The following PDE4B variants were observed in gnomAD, a reference collection of about 807,000 sequenced individuals.
PDE4B encodes 3',5'-cyclic-AMP phosphodiesterase 4B.
A neutral mutation model predicts 82.2 loss-of-function variants in PDE4B; 20 were observed. The observed-to-expected ratio is 0.24, with a 90% CI of 0.17 to 0.35. The LOEUF (loss-of-function observed/expected upper bound fraction) is 0.35, where lower values mean the gene tolerates loss of function less well. Ranked by LOEUF, PDE4B falls within the 10% of genes least tolerant of loss-of-function variation. PDE4B has a pLI of 1.00. For missense variants in PDE4B, 655 were observed against 907.2 expected (o/e 0.72, Z 3.57); for synonymous variants, 320 against 318.9 (o/e 1.00, Z -0.04).
At chr1:66,290,713 T>A (rs1570634218) in intron 7 of PDE4B, among the ~76,000 whole-genome samples, 2 of 152,336 alleles carry the variant, frequency 1.3e-5, no homozygotes, top group East Asian at 1.9e-4. Flanking sequence ...AATAATCAAG[T>A]ACACTATTAT....
intron 3 of PDE4B, among the ~76,000 whole-genome samples, chr1:66,055,552 G>A (rs1299208821): frequency 1.3e-5 from 2 of 152,276 alleles, no homozygotes; most frequent in East Asian, 1.9e-4. Context: ...ACATGAGAAT[G>A]GATGACTGTG....
intron 8 of PDE4B, among the ~76,000 whole-genome samples, chr1:66,353,079 C>A (rs1661960393): frequency 6.6e-6 from 1 of 152,158 alleles, no homozygotes; most frequent in Admixed American, 6.5e-5. Flanking sequence ...AGGTGCCTGT[C>A]TTTTGAGGAT....
chr1:66,327,611 G>T (rs762265053), intron 7 of PDE4B, among the ~76,000 whole-genome samples: 9 of 152,236 alleles, frequency 5.9e-5, no homozygotes, highest in Non-Finnish European at 1.3e-4. Context: ...ATGAGAATAG[G>T]ATATTTTTCT....
chr1:66,278,562 A>G (rs1200294873), intron 7 of PDE4B, among the ~76,000 whole-genome samples: 1 of 152,214 alleles, frequency 6.6e-6, no homozygotes, highest in African/African-American at 2.4e-5. Context: ...CAGTCATCCT[A>G]CTAAGAACAT....
intron 3 of PDE4B, among the ~76,000 whole-genome samples, chr1:65,994,626 C>T (rs1464393284): frequency 6.6e-5 from 10 of 151,942 alleles, no homozygotes; most frequent in Admixed American, 6.6e-4. Context: ...AGTAGTATAA[C>T]TGAATAGGGA....
intron 1 of PDE4B, among the ~76,000 whole-genome samples, chr1:65,837,760 AG>A (rs1357574717): frequency 2.0e-5 from 3 of 152,156 alleles, no homozygotes; most frequent in African/African-American, 7.2e-5. Flanking sequence ...TTTAAGTTCA[AG>A]GGTACATATG....
chr1:66,157,879 A>C (rs1041619742), intron 3 of PDE4B, among the ~76,000 whole-genome samples: 3 of 152,194 alleles, frequency 2.0e-5, no homozygotes, highest in African/African-American at 7.2e-5. Flanking sequence ...AGCCCATGTA[A>C]AAAGTGATCA....
At chr1:66,222,951 T>C (rs1240022357) in intron 3 of PDE4B, among the ~76,000 whole-genome samples, 5 of 152,196 alleles carry the variant, frequency 3.3e-5, no homozygotes. Flanking sequence ...TAAAAGATAA[T>C]TTAAATAGTT....
At chr1:66,151,011 T>G (rs1646381903) in intron 3 of PDE4B, among the ~76,000 whole-genome samples, 1 of 152,220 alleles carries the variant, frequency 6.6e-6, no homozygotes, top group Non-Finnish European at 1.5e-5. Flanking sequence ...TGTGATGTCT[T>G]CACCTGATTT....
At chr1:65,952,853 T>C (rs1243415304) in intron 3 of PDE4B, among the ~76,000 whole-genome samples, 1 of 152,028 alleles carries the variant, frequency 6.6e-6, no homozygotes, top group African/African-American at 2.4e-5. Context: ...ATTAAGTGAG[T>C]TGGTGAATGG....
intron 1 of PDE4B, among the ~76,000 whole-genome samples, chr1:65,868,239 C>G (rs957276715): frequency 6.6e-6 from 1 of 152,166 alleles, no homozygotes; most frequent in Non-Finnish European, 1.5e-5. Context: ...GAAATATAGG[C>G]ATTTCTATCA....
chr1:66,163,151 C>A (rs1275649619), intron 3 of PDE4B, among the ~76,000 whole-genome samples: 1 of 152,186 alleles, frequency 6.6e-6, no homozygotes, highest in East Asian at 1.9e-4. Flanking sequence ...TAATCTAATT[C>A]TTCCCGAGAC....
chr1:66,010,905 AC>A (rs1652447252), intron 3 of PDE4B, among the ~76,000 whole-genome samples: 1 of 151,064 alleles, frequency 6.6e-6, no homozygotes, highest in African/African-American at 2.4e-5. Flanking sequence ...AAAAAGTCTC[AC>A]AGGAAGAAAA....
intron 3 of PDE4B, among the ~76,000 whole-genome samples, chr1:66,069,424 T>C (rs904225728): frequency 6.6e-6 from 1 of 151,994 alleles, no homozygotes; most frequent in Non-Finnish European, 1.5e-5. Flanking sequence ...ATAAGATGAA[T>C]TGATTATCAT....
chr1:65,946,067 T>C (rs1648695171), intron 3 of PDE4B, among the ~76,000 whole-genome samples: 1 of 152,066 alleles, frequency 6.6e-6, no homozygotes, highest in African/African-American at 2.4e-5. Flanking sequence ...CACACTGAGT[T>C]GATCCATCCA....
At chr1:66,162,321 T>TTTTC (rs1430682749) in intron 3 of PDE4B, among the ~76,000 whole-genome samples, 1 of 140,628 alleles carries the variant, frequency 7.1e-6, no homozygotes, top group Non-Finnish European at 1.6e-5. Context: ...TTTTTTTTTT[T>TTTTC]TTTTTTTTTT....
intron 8 of PDE4B, among the ~76,000 whole-genome samples, chr1:66,334,056 A>G (rs1045544504): frequency 6.6e-6 from 1 of 152,192 alleles, no homozygotes; most frequent in African/African-American, 2.4e-5. Context: ...GACTCCATGT[A>G]GAAGGACTTT....
intron 3 of PDE4B, among the ~76,000 whole-genome samples, chr1:66,072,106 T>G (rs902485569): frequency 1.3e-5 from 2 of 152,058 alleles, no homozygotes; most frequent in African/African-American, 2.4e-5. Context: ...TGTACACACA[T>G]AAACCGCTCA....
chr1:65,824,348 T>G (rs1243289457), intron 1 of PDE4B, among the ~76,000 whole-genome samples: 1 of 152,076 alleles, frequency 6.6e-6, no homozygotes, highest in Non-Finnish European at 1.5e-5. Flanking sequence ...AGACCATAGA[T>G]ACATTAAAAA....
Sources: gnomAD v4.1 joint callset for allele counts (sites outside exome capture counted in the v4.1 genomes callset) on GRCh38, gnomAD v4.1.1 for gene constraint, MANE v1.5 for transcripts, NCBI Gene and HGNC (gene_info 2026-07-23, HGNC 2026-07-21) for gene names.